Variants in RALGAPA2 observed in about 807,000 individuals in gnomAD.
RALGAPA2 encodes ral GTPase-activating protein subunit alpha-2.
A neutral mutation model predicts 230.4 loss-of-function variants in RALGAPA2; 139 were observed. The ratio of observed to expected loss-of-function variants is 0.60; its 90% CI spans 0.53 to 0.69. RALGAPA2 has a LOEUF of 0.69. RALGAPA2 is among the 30% of genes least tolerant of loss of function. RALGAPA2 has a pLI of 0.00. For synonymous variants in RALGAPA2, 847 were observed against 837.8 expected (o/e 1.01, Z -0.19); for missense variants, 2,163 against 2,276.0 (o/e 0.95, Z 1.01).
At chr20:20,622,815 TAA>T (rs1243650875) in intron 10 of RALGAPA2, among the ~76,000 whole-genome samples, 1 of 152,058 alleles carries the variant, frequency 6.6e-6, no homozygotes, top group Non-Finnish European at 1.5e-5. Context: ...TATATATGAA[TAA>T]AAAGAATAAA....
At chr20:20,677,629 ATTTTT>A (rs758379115) in intron 2 of RALGAPA2, among the ~76,000 whole-genome samples, 3 of 64,282 alleles carry the variant, frequency 4.7e-5, no homozygotes, top group African/African-American at 7.3e-5. Flanking sequence ...GATTTGACCC[ATTTTT>A]TTTTTTTTTT....
chr20:20,603,628 C>T (rs2065729230), intron 15 of RALGAPA2, among the ~76,000 whole-genome samples: 2 of 152,204 alleles, frequency 1.3e-5, no homozygotes, highest in South Asian at 4.1e-4. Context: ...CCCAGTCACA[C>T]CTCATTGCCC....
intron 13 of RALGAPA2, among the ~76,000 whole-genome samples, chr20:20,613,705 T>G (rs1339148656): frequency 6.6e-6 from 1 of 152,150 alleles, no homozygotes; most frequent in Non-Finnish European, 1.5e-5. Context: ...TTCTTTTACC[T>G]TTTCTCCCAT....
intron 23 of RALGAPA2, among the ~76,000 whole-genome samples, chr20:20,558,119 C>T (rs2064142281): frequency 6.6e-6 from 1 of 152,126 alleles, no homozygotes; most frequent in South Asian, 2.1e-4. Flanking sequence ...ATTCTCTTGC[C>T]TCAGCCTCCC....
chr20:20,440,979 T>A (rs541179883), intron 37 of RALGAPA2, among the ~76,000 whole-genome samples: 3 of 152,282 alleles, frequency 2.0e-5, no homozygotes, highest in African/African-American at 7.2e-5. Context: ...GAAGTTTGCA[T>A]GTTTATTTAC....
At chr20:20,640,423 A>T (rs2066993045) in intron 6 of RALGAPA2, among the ~76,000 whole-genome samples, 1 of 152,188 alleles carries the variant, frequency 6.6e-6, no homozygotes, top group African/African-American at 2.4e-5. Context: ...ACCAGTCCAG[A>T]CTTCCCATGT....
intron 16 of RALGAPA2, among the ~76,000 whole-genome samples, chr20:20,591,712 A>G (rs1359103666): frequency 3.3e-5 from 5 of 151,944 alleles, no homozygotes; most frequent in Non-Finnish European, 5.9e-5. Flanking sequence ...ACACACATAC[A>G]CCCTGAAGGA....
intron 31 of RALGAPA2, among the ~76,000 whole-genome samples, chr20:20,518,061 AT>A (rs141824423): frequency 1.0e-3 from 158 of 151,788 alleles, no homozygotes; most frequent in African/African-American, 2.6e-3. Context: ...AACATAAATA[AT>A]TTTTTTCCCC....
At chr20:20,557,666 C>T (rs2064125495) in intron 23 of RALGAPA2, among the ~76,000 whole-genome samples, 1 of 152,172 alleles carries the variant, frequency 6.6e-6, no homozygotes, top group African/African-American at 2.4e-5. Context: ...TAGGCCCCAC[C>T]TGCACCCTAT....
At chr20:20,687,373 T>C (rs961254768) in intron 1 of RALGAPA2, among the ~76,000 whole-genome samples, 3 of 152,202 alleles carry the variant, frequency 2.0e-5, no homozygotes, top group African/African-American at 7.2e-5. Flanking sequence ...CCTGGGTAGT[T>C]TGCAGAAATG....
At chr20:20,598,957 A>G (rs2065548807) in intron 16 of RALGAPA2, 1 of 346,802 alleles carries the variant, frequency 2.9e-6, no homozygotes, top group Admixed American at 4.0e-5. Context: ...AAGTCAGTAC[A>G]AAGTATAGTA....
At chr20:20,664,029 GAA>G (rs771371081) in intron 3 of RALGAPA2, among the ~76,000 whole-genome samples, 3 of 152,226 alleles carry the variant, frequency 2.0e-5, no homozygotes, top group Non-Finnish European at 4.4e-5. Context: ...CTGGACAAAA[GAA>G]TGATTCATAT....
Position 20,398,309 on chromosome 20 carries a change from C to A in RALGAPA2, c.5618-1575G>T, listed in dbSNP as rs1018234121. 3.3e-5 allele frequency among the ~76,000 whole-genome samples: 5 copies of A among 152,150 alleles called. No individual in the cohort carries two copies. Among genetic ancestry groups the A allele is most frequent in the Non-Finnish European group, 5.9e-5 (4 of 68,020 alleles). On this transcript the variant is annotated intron_variant, in intron 38 of 39. Transcript: ENST00000202677. The surrounding 1 kb of genome is among the most constrained non-coding windows in gnomAD (Gnocchi z 4.5). ...TGGTAGAAACCAAGAAAGCAGATGG[C>A]GCAGCTAACAATGGAGGACTTGTTT...
intron 10 of RALGAPA2, among the ~76,000 whole-genome samples, chr20:20,623,404 A>G (rs1245089543): frequency 6.6e-6 from 1 of 152,024 alleles, no homozygotes; most frequent in African/African-American, 2.4e-5. Context: ...AAACTTCTTA[A>G]TGACAGCATT....
intron 27 of RALGAPA2, among the ~76,000 whole-genome samples, chr20:20,528,653 C>T (rs1240986164): frequency 6.6e-6 from 1 of 152,138 alleles, no homozygotes; most frequent in Non-Finnish European, 1.5e-5. Context: ...CCATGCCTGC[C>T]ATCCATCTGC....
chr20:20,711,542 G>A (rs2069869152), intron 1 of RALGAPA2, among the ~76,000 whole-genome samples: 1 of 152,146 alleles, frequency 6.6e-6, no homozygotes, highest in South Asian at 2.1e-4. Flanking sequence ...GCAGGTGACA[G>A]GAAGCCTTGT....
intron 37 of RALGAPA2, among the ~76,000 whole-genome samples, chr20:20,449,497 C>T (rs1375463760): frequency 6.6e-6 from 1 of 152,164 alleles, no homozygotes; most frequent in Non-Finnish European, 1.5e-5. Context: ...AAAACAGATG[C>T]AAAATGTCAG....
intron 36 of RALGAPA2, among the ~76,000 whole-genome samples, chr20:20,488,818 G>T (rs1290272815): frequency 6.6e-6 from 1 of 152,162 alleles, no homozygotes; most frequent in African/African-American, 2.4e-5. Context: ...CTAAAATTTA[G>T]ATTCCAGGAG....
At chr20:20,432,193 G>A (rs188725616) in intron 37 of RALGAPA2, among the ~76,000 whole-genome samples, 8 of 152,180 alleles carry the variant, frequency 5.3e-5, no homozygotes, top group Admixed American at 3.3e-4. Flanking sequence ...TTGATGACCC[G>A]ACCACTATGG....
Sources: gnomAD v4.1 joint callset for allele counts (sites outside exome capture counted in the v4.1 genomes callset) on GRCh38, gnomAD v4.1.1 for gene constraint, Gnocchi (gnomAD v3.1) non-coding constraint, MANE v1.5 for transcripts, NCBI Gene and HGNC (gene_info 2026-07-23, HGNC 2026-07-21) for gene names.